The following NEBL variants were observed in gnomAD, a reference collection of about 807,000 sequenced individuals.
The protein encoded by NEBL is LIM and SH3 protein 2.
A neutral mutation model predicts 140.2 loss-of-function variants in NEBL; 122 were observed. The ratio of observed to expected loss-of-function variants is 0.87; its 90% CI spans 0.75 to 1.01. The LOEUF (loss-of-function observed/expected upper bound fraction) is 1.01, where lower values mean the gene tolerates loss of function less well. Among genes scored for constraint, NEBL ranks in the 50% least tolerant of loss-of-function variants. NEBL has a pLI of 0.00. For missense variants in NEBL, 1,365 were observed against 1,231.3 expected (o/e 1.11, Z -1.62); for synonymous variants, 436 against 398.9 (o/e 1.09, Z -1.11).
intron 2 of NEBL, among the ~76,000 whole-genome samples, chr10:21,079,422 T>C (rs1197271434): frequency 1.5e-4 from 23 of 152,226 alleles, no homozygotes; most frequent in Admixed American, 1.5e-3. Context: ...AGGACCTTGT[T>C]TTGGAAGTGA....
chr10:20,828,701 G>A, intron 16 of NEBL, 67 bp from the exon 17 acceptor site: 1 of 1,068,014 alleles, frequency 9.4e-7, no homozygotes, highest in Non-Finnish European at 1.4e-6. Flanking sequence ...AGGGAGGGAG[G>A]GAGGCAGGAA....
intron 3 of NEBL, among the ~76,000 whole-genome samples, chr10:20,967,249 T>C (rs1465334950): frequency 6.6e-6 from 1 of 152,232 alleles, no homozygotes; most frequent in Admixed American, 6.5e-5. Context: ...CAATGTAATA[T>C]TATTTAAGAG....
At chr10:21,180,864 A>T (rs1841376067) in intron 3 of NEBL, among the ~76,000 whole-genome samples, 2 of 152,126 alleles carry the variant, frequency 1.3e-5, no homozygotes, top group African/African-American at 4.8e-5. Flanking sequence ...CAAGAAAGGG[A>T]GGTAGGATTT....
At chr10:20,982,652 C>T (rs539950157) in intron 3 of NEBL, among the ~76,000 whole-genome samples, 2 of 152,262 alleles carry the variant, frequency 1.3e-5, no homozygotes, top group South Asian at 4.1e-4. Context: ...AAGCATCTTA[C>T]TTATACCTTT....
chr10:21,000,628 A>C (rs1246504638), intron 3 of NEBL, among the ~76,000 whole-genome samples: 1 of 152,196 alleles, frequency 6.6e-6, no homozygotes, highest in Non-Finnish European at 1.5e-5. Flanking sequence ...AATTTGTTTA[A>C]ATTGAAACTC....
At chr10:20,826,855 C>A (rs1839931505) in intron 17 of NEBL, among the ~76,000 whole-genome samples, 1 of 152,138 alleles carries the variant, frequency 6.6e-6, no homozygotes, top group South Asian at 2.1e-4. Context: ...AAATATATGT[C>A]CCATGTGTAT....
intron 3 of NEBL, among the ~76,000 whole-genome samples, chr10:21,019,593 A>G (rs1427095798): frequency 6.6e-6 from 1 of 152,240 alleles, no homozygotes; most frequent in Non-Finnish European, 1.5e-5. Flanking sequence ...GCAAGTTGCC[A>G]TCTAACATGG....
At position 20,850,499 on chromosome 10, in the gene NEBL, T is replaced by C; in HGVS notation, c.1012A>G (p.Lys338Glu). The change falls in exon 11 of 28, where the codon AAA (lysine) becomes GAA (glutamate). Residue 338 changes from lysine to glutamate, a missense_variant. Around this residue, in one of 2 missense-constraint regions of NEBL, gnomAD observed 1,323 missense variants for 1,154.8 expected, o/e 1.15. Coordinates refer to ENST00000377122, the MANE Select transcript of NEBL (RefSeq NM_006393.3). ...KGNAVLQSQV[K>E]YKEEYEKNKG... Reference sequence around the variant, plus strand: ...TTTTTCTCATATTCTTCTTTATATTTCACCTTCATTGGAAAAAGAAAAGCA... The same window carrying C: ...TTTTTCTCATATTCTTCTTTATATTCCACCTTCATTGGAAAAAGAAAAGCA... The C allele has an allele frequency of 1.9e-6, 3 of 1,581,142 alleles. No homozygotes were observed. The highest frequency in any genetic ancestry group is 2.6e-6 in the Non-Finnish European group (3 of 1,150,562).
chr10:21,190,851 T>A (rs1010000845), intron 3 of NEBL, among the ~76,000 whole-genome samples: 1 of 152,238 alleles, frequency 6.6e-6, no homozygotes, highest in African/African-American at 2.4e-5. Context: ...TTTGTCCTTT[T>A]TATTAACCAA....
Position 20,814,061 on chromosome 10 carries a change from G to A in NEBL, c.2242-18C>T, listed in dbSNP as rs781244113. On this transcript the variant is annotated intron_variant, in intron 22 of 27. Transcript: ENST00000377122. ...TATTTTACCTGCAAAGTAAATAGTA[G>A]GCATAAGACAATGATAAGAAAACAC... is the stretch of plus-strand genomic sequence containing the variant. 7.0e-7 allele frequency: 1 copy of A among 1,429,500 alleles called. No individual in the cohort carries two copies. The highest frequency in any genetic ancestry group is 1.1e-5 in the South Asian group (1 of 87,254). The allele number at this position is 1,429,500 out of a possible 1,614,324, so 88.6% of individuals were successfully genotyped here.
chr10:20,811,319 T>A (rs1354308914), intron 24 of NEBL, among the ~76,000 whole-genome samples: 4 of 152,202 alleles, frequency 2.6e-5, no homozygotes, highest in Admixed American at 1.3e-4. Context: ...TCACCATCAT[T>A]CCTGACCTCT....
At chr10:20,997,495 A>C (rs1191609384) in intron 3 of NEBL, among the ~76,000 whole-genome samples, 20 of 141,928 alleles carry the variant, frequency 1.4e-4, no homozygotes, top group Non-Finnish European at 2.7e-4. Context: ...AAAAAAAAAA[A>C]AAAAAAAAAA....
chr10:21,136,256 A>T (rs1006347543), intron 2 of NEBL, among the ~76,000 whole-genome samples: 1 of 152,188 alleles, frequency 6.6e-6, no homozygotes. Context: ...ATATATTTCC[A>T]AAATCTCCAT....
intron 1 of NEBL, among the ~76,000 whole-genome samples, chr10:21,284,429 C>T (rs4747434): frequency 0.56 from 83,464 of 148,640 alleles, 25,245 homozygotes; most frequent in East Asian, 0.96. Context: ...TCCAGAATTA[C>T]TCCTCCATTG....
At chr10:21,280,001 T>C (rs1410899017) in intron 1 of NEBL, among the ~76,000 whole-genome samples, 1 of 151,936 alleles carries the variant, frequency 6.6e-6, no homozygotes, top group African/African-American at 2.4e-5. Flanking sequence ...TTGCCCAAAC[T>C]CTAAAGCTTC....
rs1297285549 is a variant in NEBL at position 20,827,188 on chromosome 10, G to C, written c.1777-649C>G. On this transcript the variant is annotated intron_variant, in intron 17 of 27. Coordinates refer to ENST00000377122, the MANE Select transcript of NEBL (RefSeq NM_006393.3). ...AGAAAAACAGAGTAATTATAAGAAA[G>C]GTAAATGAGGATAGAATTACTCCCT... 2.6e-5 allele frequency among the ~76,000 whole-genome samples: 4 copies of C among 152,298 alleles called. No individual in the cohort carries two copies. In the South Asian group the frequency reaches 8.3e-4, roughly 32 times the overall value.
chr10:21,069,896 T>A (rs879158441), intron 2 of NEBL: 20 of 424,486 alleles, frequency 4.7e-5, no homozygotes, highest in South Asian at 3.4e-4. Context: ...AGAATAAGTC[T>A]TCTGCAATTT....
At chr10:21,165,151 T>C (rs1317629022) in intron 2 of NEBL, among the ~76,000 whole-genome samples, 1 of 152,198 alleles carries the variant, frequency 6.6e-6, no homozygotes, top group African/African-American at 2.4e-5. Flanking sequence ...ATTTCCCCAT[T>C]TAATCTCTAT....
At chr10:20,979,241 G>C (rs994948329) in intron 3 of NEBL, among the ~76,000 whole-genome samples, 8 of 151,874 alleles carry the variant, frequency 5.3e-5, no homozygotes, top group African/African-American at 1.9e-4. Context: ...AAAAGAGCAA[G>C]ACCTTGTCTC....
Sources: allele counts gnomAD v4.1 joint callset (sites outside exome capture counted in the v4.1 genomes callset), GRCh38; gene constraint gnomAD v4.1.1; regional missense constraint gnomAD v4.1.1; transcripts MANE v1.5; gene names NCBI Gene and HGNC (gene_info 2026-07-23, HGNC 2026-07-21).